The following PDZD2 variants were observed in gnomAD, a reference collection of about 807,000 sequenced individuals.
PDZD2 encodes PDZ domain containing 2.
Under a neutral mutation model 220.7 loss-of-function variants are expected in PDZD2, and 90 were observed. That is an observed-to-expected ratio of 0.41 (90% CI 0.34 to 0.49). PDZD2 has a LOEUF of 0.49. Among genes scored for constraint, PDZD2 ranks in the 20% least tolerant of loss-of-function variants. PDZD2 has a pLI of 0.28. For missense variants in PDZD2, 3,174 were observed against 3,608.5 expected, an observed-to-expected ratio of 0.88 and a Z score of 3.08; for synonymous variants, 1,375 against 1,450.5, an observed-to-expected ratio of 0.95 and a Z score of 1.18.
intron 14 of PDZD2, among the ~76,000 whole-genome samples, chr5:32,063,659 G>T (rs1739908055): frequency 6.6e-6 from 1 of 152,186 alleles, no homozygotes; most frequent in Non-Finnish European, 1.5e-5. Flanking sequence ...CTTCTACTGG[G>T]TGCCAGGCAG....
chr5:31,672,411 G>C (rs1220753251), intron 1 of PDZD2, among the ~76,000 whole-genome samples: 1 of 152,210 alleles, frequency 6.6e-6, no homozygotes, highest in African/African-American at 2.4e-5. Flanking sequence ...GTACCTGCCA[G>C]TGTGGGATTT....
intron 2 of PDZD2, among the ~76,000 whole-genome samples, chr5:31,891,127 C>CTTTTTTTTT (rs869189606): frequency 3.1e-5 from 3 of 96,420 alleles, no homozygotes; most frequent in Admixed American, 1.2e-4. Context: ...GGGGTTTTTC[C>CTTTTTTTTT]TTTTTTTTTT....
At chr5:31,871,794 T>G (rs1043236693) in intron 2 of PDZD2, among the ~76,000 whole-genome samples, 2 of 151,966 alleles carry the variant, frequency 1.3e-5, no homozygotes, top group Non-Finnish European at 2.9e-5. Context: ...CAAAATAAAA[T>G]GAACATAAAT....
chr5:31,807,232 G>A (rs181957586), intron 2 of PDZD2, among the ~76,000 whole-genome samples: 48 of 152,198 alleles, frequency 3.2e-4, no homozygotes, highest in South Asian at 1.4e-3. Context: ...CACTGCACCC[G>A]GCCATCTTTG....
intron 1 of PDZD2, among the ~76,000 whole-genome samples, chr5:31,689,353 A>ATATATATATATATATTTTT: frequency 2.6e-4 from 9 of 35,118 alleles, no homozygotes; most frequent in East Asian, 1.8e-3. Context: ...ATATATATAT[A>ATATATATATATATATTTTT]TTTTTTTTTT....
At chr5:31,926,573 C>T (rs186319587) in intron 2 of PDZD2, among the ~76,000 whole-genome samples, 19 of 140,766 alleles carry the variant, frequency 1.3e-4, no homozygotes, top group East Asian at 1.3e-3. Context: ...AAATAACAGA[C>T]GCTGGGGAGG....
chr5:31,855,721 A>G (rs1561513034), intron 2 of PDZD2, among the ~76,000 whole-genome samples: 1 of 152,224 alleles, frequency 6.6e-6, no homozygotes, highest in African/African-American at 2.4e-5. Context: ...TTTGCCCCCA[A>G]ATTACTAAAC....
At chr5:32,060,974 A>T in intron 13 of PDZD2, 28 bp from the exon 14 acceptor site, 1 of 1,613,398 alleles carries the variant, frequency 6.2e-7, no homozygotes, top group Non-Finnish European at 8.5e-7. Flanking sequence ...CTGCTAACAC[A>T]GAGTGTGGAT....
intron 2 of PDZD2, chr5:31,908,971 G>A (rs543861366): frequency 6.9e-5 from 22 of 320,560 alleles, no homozygotes; most frequent in Admixed American, 3.0e-4. Flanking sequence ...TGCTGAACCC[G>A]GGAGGCGGAG....
intron 2 of PDZD2, among the ~76,000 whole-genome samples, chr5:31,870,932 T>G (rs1023113214): frequency 8.7e-5 from 13 of 149,064 alleles, no homozygotes; most frequent in African/African-American, 3.2e-4. Context: ...CTTATTCAAA[T>G]AACTTAGATC....
intron 1 of PDZD2, among the ~76,000 whole-genome samples, chr5:31,782,870 C>A (rs1753136554): frequency 6.6e-6 from 1 of 151,904 alleles, no homozygotes; most frequent in Admixed American, 6.6e-5. Flanking sequence ...CCCGCCACCA[C>A]ACCCGGGTAA....
intron 2 of PDZD2, among the ~76,000 whole-genome samples, chr5:31,849,198 A>C (rs776597161): frequency 6.6e-6 from 1 of 152,146 alleles, no homozygotes; most frequent in Non-Finnish European, 1.5e-5. Context: ...CTCCCTCTGA[A>C]TAGCTAAAAA....
rs760559117 is a variant in PDZD2 at position 32,000,508 on chromosome 5, TTTTTGTTTTTG to T, written c.1254+242_1254+252del. On this transcript the variant is annotated intron_variant, in intron 5 of 24. Coordinates refer to ENST00000438447, the MANE Select transcript of PDZD2 (RefSeq NM_178140.4). This position sits in a 1 kb window ranked among gnomAD's most constrained non-coding sequence, Gnocchi z 4.5. The stretch of plus-strand genomic sequence containing the variant: ...GTTTTTGTTTTTGTTTTTGTTTTTG[TTTTTGTTTTTG>T]TTTTTTTTGAGACGGAGTTTCACTC... 1.9e-4 allele frequency among the ~76,000 whole-genome samples: 28 copies of T among 151,206 alleles called. No homozygotes were observed. Among genetic ancestry groups the T allele is most frequent in the East Asian group, 6.0e-4 (3 of 5,016 alleles).
chr5:31,994,329 A>G (rs1253921074), intron 3 of PDZD2, among the ~76,000 whole-genome samples: 1 of 151,196 alleles, frequency 6.6e-6, no homozygotes. Context: ...TTTTTTTTAA[A>G]GATTTTTATA....
chr5:31,640,417 C>G (rs1368069710), intron 1 of PDZD2, among the ~76,000 whole-genome samples: 1 of 152,224 alleles, frequency 6.6e-6, no homozygotes, highest in African/African-American at 2.4e-5. Flanking sequence ...CTGAGTCTGT[C>G]CCCTGCAGCT....
chr5:32,040,724 A>G (rs1464674740), intron 7 of PDZD2, among the ~76,000 whole-genome samples: 141 of 78,306 alleles, frequency 1.8e-3, no homozygotes, highest in Middle Eastern at 0.017. Context: ...AGGAAGTGAG[A>G]AGCGCCTCTG....
intron 2 of PDZD2, chr5:31,855,019 C>T: frequency 1.0e-6 from 1 of 985,328 alleles, no homozygotes; most frequent in Non-Finnish European, 1.2e-6. Context: ...CCCAGGCCCC[C>T]GGGCCGCCTG....
intron 19 of PDZD2, among the ~76,000 whole-genome samples, chr5:32,080,071 G>A (rs1268560379): frequency 6.6e-6 from 1 of 151,748 alleles, no homozygotes; most frequent in Non-Finnish European, 1.5e-5. Context: ...CTATTTGGCC[G>A]GGCGCAGTGG....
intron 1 of PDZD2, among the ~76,000 whole-genome samples, chr5:31,774,572 C>A (rs778169756): frequency 4.8e-4 from 72 of 151,566 alleles, no homozygotes; most frequent in Non-Finnish European, 8.0e-4. Flanking sequence ...AAAAAGTAGC[C>A]GGGTGTGGTG....
Sources: allele counts gnomAD v4.1 joint callset (sites outside exome capture counted in the v4.1 genomes callset), GRCh38; gene constraint gnomAD v4.1.1; non-coding constraint Gnocchi (gnomAD v3.1); transcripts MANE v1.5; gene names NCBI Gene and HGNC (gene_info 2026-07-23, HGNC 2026-07-21).